The following TAF3 variants were observed in gnomAD, a reference collection of about 807,000 sequenced individuals.
TAF3 encodes the protein TATA-box binding protein associated factor 3.
Under a neutral mutation model 80.6 loss-of-function variants are expected in TAF3, and 7 were observed. The observed-to-expected ratio is 0.09, with a 90% CI of 0.05 to 0.16. TAF3 has a LOEUF of 0.16. Ranked by LOEUF, TAF3 falls within the 10% of genes least tolerant of loss-of-function variation. The pLI is 1.00. For missense variants in TAF3, 921 were observed against 1,140.2 expected (o/e 0.81, Z 2.77); for synonymous variants, 444 against 446.1 (o/e 1.00, Z 0.06).
At chr10:7,825,916 G>A (rs906408569) in intron 2 of TAF3, among the ~76,000 whole-genome samples, 9 of 152,090 alleles carry the variant, frequency 5.9e-5, no homozygotes, top group African/African-American at 2.2e-4. Flanking sequence ...TTTTGAGGAA[G>A]CACCACACTG....
chr10:7,861,528 G>A (rs1052774832), intron 2 of TAF3, among the ~76,000 whole-genome samples: 1 of 152,040 alleles, frequency 6.6e-6, no homozygotes, highest in Non-Finnish European at 1.5e-5. Context: ...TGACTGAGAC[G>A]TGAAATCAGC....
chr10:7,842,168 TTTTTTTTG>T (rs1209776545), intron 2 of TAF3, among the ~76,000 whole-genome samples: 12 of 96,622 alleles, frequency 1.2e-4, no homozygotes, highest in South Asian at 4.0e-4. Context: ...TTTTTTGTTT[TTTTTTTTG>T]TTTTTTTTTT....
intron 2 of TAF3, among the ~76,000 whole-genome samples, chr10:7,925,916 C>T (rs1471867340): frequency 6.6e-6 from 1 of 151,540 alleles, no homozygotes; most frequent in Non-Finnish European, 1.5e-5. Flanking sequence ...TTGTAATAAT[C>T]TCTTAAGACT....
At chr10:7,957,929 T>C (rs888646745) in intron 2 of TAF3, among the ~76,000 whole-genome samples, 2 of 152,038 alleles carry the variant, frequency 1.3e-5, no homozygotes, top group African/African-American at 4.8e-5. Context: ...CAATAACATA[T>C]CAAGATTAGA....
chr10:7,851,003 A>G (rs1354140220), intron 2 of TAF3, among the ~76,000 whole-genome samples: 1 of 152,220 alleles, frequency 6.6e-6, no homozygotes, highest in East Asian at 1.9e-4. Context: ...AAAGCAGATA[A>G]ACAGTCTCTG....
At position 7,842,151 on chromosome 10, in the gene TAF3, G is replaced by GTTTTTTTTTTTT. The variant is rs71505465; in HGVS notation, c.409+17592_409+17603dup. Among the ~76,000 whole-genome samples the GTTTTTTTTTTTT allele has an allele frequency of 1.3e-4, 13 of 98,784 alleles. 1 individual carries two copies. Among genetic ancestry groups the GTTTTTTTTTTTT allele is most frequent in the African/African-American group, 2.2e-4 (6 of 26,866 alleles). The allele number at this position is 98,784 out of a possible 152,430, so 64.8% of individuals were successfully genotyped here. ...CATTGTAGGATATTGAATTAATATT[G>GTTTTTTTTTTTT]TTTTTTTTTTTTGTTTTTTTTTTTG... On this transcript the variant is annotated intron_variant, in intron 2 of 6. Coordinates refer to ENST00000344293, the MANE Select transcript of TAF3 (RefSeq NM_031923.4).
chr10:7,962,016 A>G (rs1164151762), intron 2 of TAF3, among the ~76,000 whole-genome samples: 1 of 151,826 alleles, frequency 6.6e-6, no homozygotes, highest in East Asian at 1.9e-4. Context: ...CACCCAGCTA[A>G]TTTTTGTATT....
chr10:7,824,199 A>T (rs1162112837), intron 1 of TAF3, 119 bp from the exon 2 acceptor site: 2 of 1,142,320 alleles, frequency 1.8e-6, no homozygotes, highest in African/African-American at 3.1e-5. Flanking sequence ...TCTTTCCAAT[A>T]ACTAGGTTAA....
chr10:7,929,660 G>A (rs1172711701), intron 2 of TAF3, among the ~76,000 whole-genome samples: 1 of 152,054 alleles, frequency 6.6e-6, no homozygotes, highest in Non-Finnish European at 1.5e-5. Context: ...CACCGTGCCT[G>A]GCCCTATATA....
intron 2 of TAF3, among the ~76,000 whole-genome samples, chr10:7,919,734 A>T (rs138605789): frequency 6.6e-6 from 1 of 152,150 alleles, no homozygotes; most frequent in South Asian, 2.1e-4. Context: ...TGTAGTCTTT[A>T]TACTGTTTTT....
Position 7,911,243 on chromosome 10 carries a change from A to G in TAF3, c.410-52677A>G, listed in dbSNP as rs149985123. Among the ~76,000 whole-genome samples, 795 of 152,390 alleles carry G rather than the reference A, an allele frequency of 5.2e-3. 4 individuals are homozygous for G. The highest frequency in any genetic ancestry group is 7.6e-3 in the Admixed American group (116 of 15,308). On this transcript the variant is annotated intron_variant, in intron 2 of 6. Coordinates refer to ENST00000344293, the MANE Select transcript of TAF3 (RefSeq NM_031923.4). ...AGCAAACATGAGGAAGGGACTGAGT[A>G]TTCAAACCCATGAGGCATTGTGATT...
At chr10:8,003,180 ACTT>A (rs1237871310) in intron 4 of TAF3, among the ~76,000 whole-genome samples, 1 of 151,332 alleles carries the variant, frequency 6.6e-6, no homozygotes, top group Admixed American at 6.6e-5. Flanking sequence ...ATTTTGTGCT[ACTT>A]CTTTAGTGTT....
chr10:7,845,633 A>G lies in TAF3; in HGVS notation c.409+21073A>G, dbSNP rs565661375. 2.0e-5 allele frequency among the ~76,000 whole-genome samples: 3 copies of G among 151,226 alleles called. No individual in the cohort carries two copies. In the East Asian group the frequency reaches 5.9e-4, roughly 30 times the overall value. ...TGCTTGGTGAATATCTGTGAGTATT[A>G]TAGCAGTATCTGATCAGATTTAGAG... On this transcript the variant is annotated intron_variant, in intron 2 of 6. Coordinates refer to ENST00000344293, the MANE Select transcript of TAF3 (RefSeq NM_031923.4).
At chr10:8,003,216 CTCTT>C (rs1831960632) in intron 4 of TAF3, among the ~76,000 whole-genome samples, 1 of 151,464 alleles carries the variant, frequency 6.6e-6, no homozygotes, top group African/African-American at 2.4e-5. Context: ...TTCTCTCTCT[CTCTT>C]TTCTTTTATC....
intron 2 of TAF3, among the ~76,000 whole-genome samples, chr10:7,926,836 A>G (rs1301892328): frequency 1.3e-5 from 2 of 152,204 alleles, no homozygotes; most frequent in Non-Finnish European, 2.9e-5. Context: ...CTATTTAATC[A>G]TGGGTAAATT....
chr10:7,901,410 C>G (rs895542251), intron 2 of TAF3, among the ~76,000 whole-genome samples: 1 of 152,182 alleles, frequency 6.6e-6, no homozygotes, highest in African/African-American at 2.4e-5. Flanking sequence ...AGTATGAAAA[C>G]AAGTTCTACT....
At chr10:7,944,672 A>C (rs1028680965) in intron 2 of TAF3, among the ~76,000 whole-genome samples, 4 of 152,214 alleles carry the variant, frequency 2.6e-5, no homozygotes, top group Non-Finnish European at 2.9e-5. Flanking sequence ...TCTCTTAGCT[A>C]ATCCTCAAGT....
chr10:7,959,165 A>C (rs10430789), intron 2 of TAF3, among the ~76,000 whole-genome samples: 1,406 of 111,172 alleles, frequency 0.013, 12 homozygotes, highest in South Asian at 0.034. Flanking sequence ...CACACACACA[A>C]AAAAAGTTTC....
intron 4 of TAF3, among the ~76,000 whole-genome samples, chr10:7,996,126 A>G (rs1210865644): frequency 6.6e-6 from 1 of 152,210 alleles, no homozygotes; most frequent in Non-Finnish European, 1.5e-5. Flanking sequence ...GATTTGAAGC[A>G]ATAAACATCA....
Sources: gnomAD v4.1 joint callset for allele counts (sites outside exome capture counted in the v4.1 genomes callset) on GRCh38, gnomAD v4.1.1 for gene constraint, MANE v1.5 for transcripts, NCBI Gene and HGNC (gene_info 2026-07-23, HGNC 2026-07-21) for gene names.